The following OPCML variants were observed in gnomAD, a reference collection of about 807,000 sequenced individuals.
OPCML encodes the protein opioid-binding protein/cell adhesion molecule.
Under a neutral mutation model 37.8 loss-of-function variants are expected in OPCML, and 13 were observed. The observed-to-expected ratio is 0.34, with a 90% CI of 0.22 to 0.55. The LOEUF (loss-of-function observed/expected upper bound fraction) is 0.55. Ranked by LOEUF, OPCML falls within the 20% of genes least tolerant of loss-of-function variation. OPCML has a pLI of 0.91. For missense variants in OPCML, 341 were observed against 435.6 expected (o/e 0.78, Z 1.93); for synonymous variants, 176 against 168.8 (o/e 1.04, Z -0.33).
intron 1 of OPCML, among the ~76,000 whole-genome samples, chr11:133,244,753 C>A (rs947689173): frequency 2.6e-5 from 4 of 152,188 alleles, no homozygotes; most frequent in Admixed American, 6.5e-5. Context: ...TTACACTTCA[C>A]CTTCTGCCAC....
chr11:132,480,280 T>C (rs1484748822), intron 4 of OPCML, among the ~76,000 whole-genome samples: 1 of 151,968 alleles, frequency 6.6e-6, no homozygotes, highest in Non-Finnish European at 1.5e-5. Flanking sequence ...TGATGGAAGA[T>C]GAAATGAATG....
intron 2 of OPCML, among the ~76,000 whole-genome samples, chr11:132,858,119 G>A (rs1942136603): frequency 6.6e-6 from 1 of 152,196 alleles, no homozygotes; most frequent in Admixed American, 6.5e-5. Flanking sequence ...GAAAAACTAG[G>A]AAGGAAGAGA....
At chr11:133,078,571 C>A (rs948193894) in intron 1 of OPCML, among the ~76,000 whole-genome samples, 1 of 152,186 alleles carries the variant, frequency 6.6e-6, no homozygotes, top group Non-Finnish European at 1.5e-5. Flanking sequence ...GTTTAGAGAC[C>A]TGGCTTCTAC....
At chr11:132,838,119 T>G (rs1941121525) in intron 2 of OPCML, among the ~76,000 whole-genome samples, 1 of 152,304 alleles carries the variant, frequency 6.6e-6, no homozygotes, top group Middle Eastern at 3.4e-3. Flanking sequence ...GGTATTTTCA[T>G]GCCTAAAATA....
chr11:133,047,726 G>A (rs1236976827), intron 1 of OPCML, among the ~76,000 whole-genome samples: 1 of 152,228 alleles, frequency 6.6e-6, no homozygotes, highest in Admixed American at 6.5e-5. Flanking sequence ...CAGCTTGAAA[G>A]ATTACAGCTC....
chr11:132,461,994 G>A (rs1389695458), intron 4 of OPCML, among the ~76,000 whole-genome samples: 1 of 152,152 alleles, frequency 6.6e-6, no homozygotes, highest in Non-Finnish European at 1.5e-5. Flanking sequence ...ATTTGGGTGG[G>A]AACATAGAAC....
intron 2 of OPCML, among the ~76,000 whole-genome samples, chr11:132,659,808 T>G (rs746477604): frequency 2.0e-5 from 3 of 152,176 alleles, no homozygotes; most frequent in Non-Finnish European, 4.4e-5. Context: ...GAACTAACTC[T>G]TTTTCTAAAA....
chr11:133,251,280 A>G (rs1326529844), intron 1 of OPCML, among the ~76,000 whole-genome samples: 1 of 152,124 alleles, frequency 6.6e-6, no homozygotes, highest in Non-Finnish European at 1.5e-5. Flanking sequence ...TTTATAGAAC[A>G]GAAAAAAAGG....
chr11:132,538,342 T>C lies in OPCML; in HGVS notation c.380-9156A>G, dbSNP rs564679475. On this transcript the variant is annotated intron_variant, in intron 3 of 7. Transcript: ENST00000524381. The stretch of plus-strand genomic sequence containing the variant: ...ATTGTATGATTCCATTCATGTAGGA[T>C]ATCCAGAATAGTAAAATCCATAAAG... 1.6e-4 allele frequency among the ~76,000 whole-genome samples: 24 copies of C among 152,290 alleles called. No homozygotes were observed. The South Asian group carries it at 4.1e-3, about 26-fold the overall frequency.
chr11:132,794,590 C>T (rs532709525), intron 2 of OPCML, among the ~76,000 whole-genome samples: 6 of 152,214 alleles, frequency 3.9e-5, no homozygotes, highest in Non-Finnish European at 8.8e-5. Context: ...CTCTAACCCC[C>T]GAATCCATCT....
chr11:132,850,508 G>A (rs1941757747), intron 2 of OPCML, among the ~76,000 whole-genome samples: 1 of 141,228 alleles, frequency 7.1e-6, no homozygotes, highest in African/African-American at 2.7e-5. Flanking sequence ...ATTCTACACT[G>A]TGGAAAGGGT....
chr11:133,363,643 T>G (rs777601129), intron 1 of OPCML, among the ~76,000 whole-genome samples: 1 of 152,138 alleles, frequency 6.6e-6, no homozygotes, highest in Admixed American at 6.5e-5. Context: ...CGCACCTGCA[T>G]GGAAAGCAAC....
intron 1 of OPCML, among the ~76,000 whole-genome samples, chr11:133,356,678 C>A (rs1944298443): frequency 2.6e-5 from 4 of 152,190 alleles, no homozygotes; most frequent in Admixed American, 2.6e-4. Context: ...TTCAGCCCCT[C>A]TAAATAGCTT....
chr11:133,013,464 T>C (rs1430633324), intron 1 of OPCML, among the ~76,000 whole-genome samples: 1 of 152,232 alleles, frequency 6.6e-6, no homozygotes, highest in African/African-American at 2.4e-5. Flanking sequence ...AACATTTTCT[T>C]TGAAGAGGAA....
At chr11:132,508,203 G>C (rs1272831927) in intron 4 of OPCML, among the ~76,000 whole-genome samples, 1 of 152,056 alleles carries the variant, frequency 6.6e-6, no homozygotes, top group Non-Finnish European at 1.5e-5. Context: ...TAAATAAAGG[G>C]AAAACATGTC....
In OPCML at chr11:133,431,501, T is replaced by C. The variant is rs574881021; in HGVS notation, c.61+100763A>G. Among the ~76,000 whole-genome samples, 116 of 152,268 alleles carry C rather than the reference T, an allele frequency of 7.6e-4. 2 individuals are homozygous for C. The South Asian group carries it at 0.023, about 30-fold the overall frequency. ...TGTTTTCGACGCGGAGTTTTGCTCT[T>C]GTTGCCCAGGCTGGAGGGCAATAGC... On this transcript the variant is annotated intron_variant, in intron 1 of 7. Coordinates refer to ENST00000524381, the MANE Select transcript of OPCML (RefSeq NM_001012393.5).
chr11:133,420,948 G>A (rs1945873245), intron 1 of OPCML: 1 of 985,244 alleles, frequency 1.0e-6, no homozygotes, highest in Admixed American at 6.2e-5. Context: ...TCTTGAAAAT[G>A]AGATTTTTAG....
At chr11:133,460,528 A>G (rs1167740020) in intron 1 of OPCML, among the ~76,000 whole-genome samples, 1 of 151,932 alleles carries the variant, frequency 6.6e-6, no homozygotes, top group Non-Finnish European at 1.5e-5. Context: ...TCAATTTGAC[A>G]GAAATAGAAA....
At chr11:133,288,943 T>C (rs1942380958) in intron 1 of OPCML, among the ~76,000 whole-genome samples, 1 of 152,042 alleles carries the variant, frequency 6.6e-6, no homozygotes, top group Non-Finnish European at 1.5e-5. Flanking sequence ...AAGACAAGAA[T>C]AGCCAGCACA....
Sources: allele counts gnomAD v4.1 joint callset (sites outside exome capture counted in the v4.1 genomes callset), GRCh38; gene constraint gnomAD v4.1.1; transcripts MANE v1.5; gene names NCBI Gene and HGNC (gene_info 2026-07-23, HGNC 2026-07-21).